Variants in DDX6 observed in about 807,000 individuals in gnomAD.
DDX6 encodes DEAD-box helicase 6.
DDX6 carries 7 observed loss-of-function variants against 60.6 expected under a neutral mutation model. That is an observed-to-expected ratio of 0.12 (90% CI 0.07 to 0.22). The LOEUF (loss-of-function observed/expected upper bound fraction) is 0.22. Ranked by LOEUF, DDX6 falls within the 10% of genes least tolerant of loss-of-function variation. DDX6 has a pLI of 1.00. For missense variants in DDX6, 270 were observed against 589.9 expected (o/e 0.46, Z 5.62); for synonymous variants, 207 against 201.0 (o/e 1.03, Z -0.25).
chr11:118,777,421 T>C (rs1316209668), intron 4 of DDX6, among the ~76,000 whole-genome samples: 1 of 152,190 alleles, frequency 6.6e-6, no homozygotes, highest in Non-Finnish European at 1.5e-5. Flanking sequence ...GATATGTATA[T>C]ACATGCATTT....
chr11:118,763,795 C>T (rs1353099035), intron 6 of DDX6, among the ~76,000 whole-genome samples: 4 of 147,984 alleles, frequency 2.7e-5, no homozygotes, highest in Non-Finnish European at 5.9e-5. Context: ...GATCACACCA[C>T]TGCACTCTAG....
intron 13 of DDX6, among the ~76,000 whole-genome samples, chr11:118,752,298 A>G (rs1338283005): frequency 6.6e-6 from 1 of 152,180 alleles, no homozygotes; most frequent in Non-Finnish European, 1.5e-5. Flanking sequence ...ATGAATGTGA[A>G]TGTTCTGATA....
chr11:118,790,922 T>C (rs1862255824), intron 1 of DDX6, 176 bp downstream of exon 1: 1 of 152,788 alleles, frequency 6.5e-6, no homozygotes. Context: ...CCTCGGTCCT[T>C]TATTGTTGAC....
intron 3 of DDX6, among the ~76,000 whole-genome samples, chr11:118,780,478 G>A (rs1346699356): frequency 2.0e-5 from 3 of 152,104 alleles, no homozygotes; most frequent in African/African-American, 4.8e-5. Flanking sequence ...CACCACACCC[G>A]ACTAATTTTT....
In DDX6 at chr11:118,758,915, C is replaced by A. The variant is rs532634727; in HGVS notation, c.865-13G>T. ...GCAAATGGGAATTCTGGGGGGGGAGCGGGAAAAAGATGAGTCGTCGTCTTA... is the reference window on the plus strand; with the variant it reads ...GCAAATGGGAATTCTGGGGGGGGAGAGGGAAAAAGATGAGTCGTCGTCTTA... On this transcript the variant is annotated splice_polypyrimidine_tract_variant and intron_variant, in intron 8 of 13. Coordinates refer to ENST00000534980, the MANE Select transcript of DDX6 (RefSeq NM_004397.6). The A allele has an allele frequency of 1.2e-6, 2 of 1,611,048 alleles. No individual in the cohort carries two copies. Among genetic ancestry groups the A allele is most frequent in the Non-Finnish European group, 1.7e-6 (2 of 1,178,794 alleles).
chr11:118,783,111 T>A (rs1174168188), intron 2 of DDX6, among the ~76,000 whole-genome samples: 1 of 151,750 alleles, frequency 6.6e-6, no homozygotes, highest in Non-Finnish European at 1.5e-5. Context: ...GTGACGGAGG[T>A]TAAGTATTAG....
upstream of DDX6, chr11:118,791,541 G>A (rs182806070): frequency 6.6e-6 from 1 of 152,354 alleles, no homozygotes; most frequent in Admixed American, 6.5e-5. Context: ...GAGACCAGAG[G>A]AACATCTCTT....
At chr11:118,777,093 G>A (rs967263612) in intron 4 of DDX6, among the ~76,000 whole-genome samples, 5 of 151,860 alleles carry the variant, frequency 3.3e-5, no homozygotes, top group Admixed American at 6.6e-5. Flanking sequence ...ACATACATAC[G>A]CAATTCCAAC....
chr11:118,766,078 A>C (rs1462605441), intron 5 of DDX6, among the ~76,000 whole-genome samples: 2 of 152,240 alleles, frequency 1.3e-5, no homozygotes, highest in East Asian at 3.9e-4. Context: ...TCTCAAATAA[A>C]AAAAAAGAAA....
intron 4 of DDX6, among the ~76,000 whole-genome samples, chr11:118,774,693 G>C (rs1861641985): frequency 6.6e-6 from 1 of 151,718 alleles, no homozygotes; most frequent in African/African-American, 2.4e-5. Flanking sequence ...CAAAGTGCTG[G>C]GATTATAGGC....
At chr11:118,768,944 T>C (rs75411106) in intron 4 of DDX6, among the ~76,000 whole-genome samples, 1,395 of 121,764 alleles carry the variant, frequency 0.011, 23 homozygotes, top group Admixed American at 0.066. Context: ...TGAGCCATGA[T>C]TGCACCACTG....
intron 4 of DDX6, among the ~76,000 whole-genome samples, chr11:118,778,096 G>C (rs951014516): frequency 2.6e-5 from 4 of 151,940 alleles, no homozygotes; most frequent in African/African-American, 9.7e-5. Context: ...ATGGATGAGG[G>C]GAAGGGAAGT....
chr11:118,757,255 G>A lies in DDX6; in HGVS notation c.1026C>T (p.Asn342=), dbSNP rs781948897. ...CTAGCAATTCAACTCGCTGAGAGGAGTTACAGAAAATGATCGACTGGTTTA... is the reference window on the plus strand; with the variant it reads ...CTAGCAATTCAACTCGCTGAGAGGAATTACAGAAAATGATCGACTGGTTTA... The part of the protein sequence containing the change: ...LQINQSIIFC[N]SSQRVELLAK... The change falls in exon 10 of 14, where the codon AAC becomes AAT. Residue 342 remains asparagine (N), a synonymous_variant. Coordinates refer to ENST00000534980, the MANE Select transcript of DDX6 (RefSeq NM_004397.6). The A allele has an allele frequency of 6.3e-7, 1 of 1,581,514 alleles. No homozygotes were observed. The highest frequency in any genetic ancestry group is 1.2e-5 in the South Asian group (1 of 83,668).
chr11:118,770,903 GAGAAA>G (rs1160991190), intron 4 of DDX6, among the ~76,000 whole-genome samples: 1 of 151,002 alleles, frequency 6.6e-6, no homozygotes, highest in Non-Finnish European at 1.5e-5. Flanking sequence ...AAAAAAGAGA[GAGAAA>G]AGAAAAGAAA....
At chr11:118,776,501 A>C (rs1348157058) in intron 4 of DDX6, among the ~76,000 whole-genome samples, 1 of 152,172 alleles carries the variant, frequency 6.6e-6, no homozygotes, top group Non-Finnish European at 1.5e-5. Context: ...CTAGAGATAA[A>C]AGTTGAATGA....
At chr11:118,779,538 T>C (rs775573484) in intron 4 of DDX6, 94 bp downstream of exon 4, 17 of 752,160 alleles carry the variant, frequency 2.3e-5, no homozygotes, top group African/African-American at 9.0e-5. Context: ...GAGAGAGAAA[T>C]GTTAGTTCAC....
In DDX6 at chr11:118,749,819, A is replaced by G. The variant is rs1440340945; in HGVS notation, c.*2286T>C. 1 of 152,598 alleles carries G rather than the reference A, an allele frequency of 6.6e-6. No individual in the cohort carries two copies. Among genetic ancestry groups the G allele is most frequent in the Admixed American group, 6.5e-5 (1 of 15,272 alleles). 9.5% of individuals were successfully genotyped at this position (152,598 alleles called of 1,614,324 possible). ...TCCCTCTCCCACCCCTCCCTGGAAA[A>G]AAGTTACTTCCTTAATTAGGTTTTC... is the stretch of plus-strand genomic sequence containing the variant. On this transcript the variant is annotated 3_prime_UTR_variant, in exon 14 of 14. Transcript: ENST00000534980.
chr11:118,773,834 C>T (rs1861613502), intron 4 of DDX6, among the ~76,000 whole-genome samples: 1 of 150,568 alleles, frequency 6.6e-6, no homozygotes, highest in African/African-American at 2.4e-5. Flanking sequence ...CCGACCCCAC[C>T]CAAAAAGAAA....
intron 2 of DDX6, among the ~76,000 whole-genome samples, chr11:118,783,841 C>T (rs1477879728): frequency 2.4e-4 from 16 of 65,654 alleles, no homozygotes; most frequent in Admixed American, 9.8e-4. Context: ...ATAGGCTGGG[C>T]GCAGTGGCTC....
Sources: allele counts gnomAD v4.1 joint callset (sites outside exome capture counted in the v4.1 genomes callset), GRCh38; gene constraint gnomAD v4.1.1; transcripts MANE v1.5; gene names NCBI Gene and HGNC (gene_info 2026-07-23, HGNC 2026-07-21).